The following TTC34 variants were observed in gnomAD, a reference collection of about 807,000 sequenced individuals.
TTC34 encodes tetratricopeptide repeat domain 34.
A neutral mutation model predicts 40.7 loss-of-function variants in TTC34; 44 were observed. The observed-to-expected ratio is 1.08, with a 90% CI of 0.85 to 1.39. The LOEUF is 1.39. TTC34 is among the 40% of genes most tolerant of loss of function. The probability of loss-of-function intolerance (pLI) is 0.00; values close to 1 mark genes in which losing one functional copy is unlikely to be tolerated. For missense variants in TTC34, 884 were observed against 838.0 expected, an observed-to-expected ratio of 1.05 and a Z score of -0.68; for synonymous variants, 422 against 398.6, an observed-to-expected ratio of 1.06 and a Z score of -0.70.
At chr1:2,683,271 C>G (rs1398705559) in intron 6 of TTC34, among the ~76,000 whole-genome samples, 6 of 150,700 alleles carry the variant, frequency 4.0e-5, no homozygotes, top group African/African-American at 7.4e-5. Flanking sequence ...GCACCCACAC[C>G]CACAGGTGAG....
At chr1:2,691,093 A>C (rs1404855251) in intron 6 of TTC34, among the ~76,000 whole-genome samples, 1 of 78,186 alleles carries the variant, frequency 1.3e-5, no homozygotes, top group African/African-American at 4.2e-5. Context: ...TTGGAGCAGC[A>C]CCCACACCTT....
intron 6 of TTC34, among the ~76,000 whole-genome samples, chr1:2,677,769 CACCCCCAGG>C (rs1557601984): frequency 1.1e-4 from 14 of 125,138 alleles, no homozygotes; most frequent in South Asian, 2.7e-4. Context: ...ACAGCACCCA[CACCCCCAGG>C]TGAGCATCTG....
At chr1:2,751,649 C>T (rs1331312965) in intron 6 of TTC34, among the ~76,000 whole-genome samples, 1 of 144,544 alleles carries the variant, frequency 6.9e-6, no homozygotes, top group Non-Finnish European at 1.5e-5. Context: ...CACCCACACC[C>T]CCAGTTGAGC....
rs1641732203 is a variant in TTC34, at chr1:2,764,377, C to G, written c.2226+19232G>C. On this transcript the variant is annotated intron_variant, in intron 6 of 8. Transcript: ENST00000401095. The stretch of plus-strand genomic sequence containing the variant: ...GCAGGTGACAGCCTGGAGCAGTGCC[C>G]ACACCCCCGGGCGAGCATCTGACAG... Among the ~76,000 whole-genome samples the G allele has an allele frequency of 2.7e-5, 4 of 146,446 alleles. 1 individual carries two copies. The highest frequency in any genetic ancestry group is 5.0e-5 in the African/African-American group (2 of 39,844).
rs550461720 is a variant in TTC34 at position 2,787,385 on chromosome 1, C to A, written c.1854+96G>T. 2.8e-4 allele frequency: 336 copies of A among 1,180,614 alleles called. 3 individuals carry two copies. The South Asian group carries it at 5.9e-3, about 21-fold the overall frequency. 73.1% of individuals were successfully genotyped at this position (1,180,614 alleles called of 1,614,324 possible). A position where few individuals can be genotyped will look rare whatever the true frequency, so the allele number is the denominator to read the frequency against. Reference sequence around the variant, plus strand: ...GCAGTCGCCTGGTCCAAAGCCCAGACTGTGGGGTCCAGCGCCAGGGCCACG... The same window carrying A: ...GCAGTCGCCTGGTCCAAAGCCCAGAATGTGGGGTCCAGCGCCAGGGCCACG... On this transcript the variant is annotated intron_variant, in intron 4 of 8. Coordinates refer to ENST00000401095, the Ensembl canonical transcript of TTC34.
intron 2 of TTC34, among the ~76,000 whole-genome samples, chr1:2,797,311 C>G (rs1012572065): frequency 6.6e-6 from 1 of 152,092 alleles, no homozygotes; most frequent in African/African-American, 2.4e-5. Context: ...GGGATGGGGG[C>G]TGGGGCACGA....
At chr1:2,639,911 G>C (rs1039629525) in exon 9 of TTC34, 1 of 152,424 alleles carries the variant, frequency 6.6e-6, no homozygotes, top group Non-Finnish European at 1.5e-5. Context: ...CTGAGGAGGA[G>C]GGGGGCTACC....
chr1:2,752,526 C>T (rs1641357168), intron 6 of TTC34, among the ~76,000 whole-genome samples: 1 of 129,572 alleles, frequency 7.7e-6, no homozygotes, highest in Admixed American at 7.7e-5. Flanking sequence ...GGAGCAGCAC[C>T]CACATCCCCA....
At chr1:2,683,638 G>T (rs528836237) in intron 6 of TTC34, among the ~76,000 whole-genome samples, 1 of 148,836 alleles carries the variant, frequency 6.7e-6, no homozygotes, top group Admixed American at 6.6e-5. Context: ...CACACCCCCA[G>T]GTGAGCATCT....
At chr1:2,787,651 C>T (rs1415192081) in exon 4 of TTC34, 2 of 1,549,828 alleles carry the variant, frequency 1.3e-6, no homozygotes, top group South Asian at 2.4e-5. Context: ...GAGGCCTCGT[C>T]CTCTGAATCC....
In TTC34 at chr1:2,783,777, T is replaced by C; in HGVS notation, c.2060-2A>G. On this transcript the variant is annotated splice_acceptor_variant, in intron 5 of 8. Coordinates refer to ENST00000401095, the Ensembl canonical transcript of TTC34. LOFTEE classifies it high-confidence loss of function. ...GGAGGGACTCACTTGCCTGGCTTCC[T>C]GCAGGAAGACGGCATGGGGTCAGGA... 1 of 1,497,114 alleles carries C rather than the reference T, an allele frequency of 6.7e-7. No homozygotes were observed. The highest frequency in any genetic ancestry group is 8.9e-7 in the Non-Finnish European group (1 of 1,119,382). The allele number at this position is 1,497,114 out of a possible 1,614,324, so 92.7% of individuals were successfully genotyped here.
chr1:2,749,809 AG>A (rs1641258373), intron 6 of TTC34, among the ~76,000 whole-genome samples: 7 of 86,510 alleles, frequency 8.1e-5, no homozygotes, highest in Admixed American at 3.7e-4. Flanking sequence ...CCACACCCCC[AG>A]GTGAGCATCT....
intron 6 of TTC34, chr1:2,775,775 G>C (rs1643092691): frequency 6.8e-6 from 1 of 146,234 alleles, no homozygotes. Flanking sequence ...CTGAAAGCCT[G>C]GATCAACACT....
intron 6 of TTC34, among the ~76,000 whole-genome samples, chr1:2,750,220 G>C (rs1236790193): frequency 0.016 from 1,029 of 64,944 alleles, no homozygotes; most frequent in Middle Eastern, 0.057. Flanking sequence ...GTGCGCATCT[G>C]ATGGTCTGGA....
Position 2,751,562 on chromosome 1 carries a change from G to A in TTC34, c.2226+32047C>T, listed in dbSNP as rs1307196661. Among the ~76,000 whole-genome samples, 15 of 24,576 alleles carry A rather than the reference G, an allele frequency of 6.1e-4. 2 individuals are homozygous for A. In the South Asian group the frequency reaches 0.015, roughly 25 times the overall value. 16.1% of individuals were successfully genotyped at this position (24,576 alleles called of 152,430 possible). ...AGCATCTGACAGCCTGCAACAGCAC[G>A]CACACCCCCAGGTGCGCACGTGACA... On this transcript the variant is annotated intron_variant, in intron 6 of 8. Coordinates refer to ENST00000401095, the Ensembl canonical transcript of TTC34.
chr1:2,638,758 A>C (rs965791652), exon 9 of TTC34: 3 of 152,326 alleles, frequency 2.0e-5, no homozygotes, highest in Admixed American at 6.5e-5. Context: ...AAACTACCTC[A>C]GGAAAAGCCA....
chr1:2,682,030 A>T (rs1190606218), intron 6 of TTC34, among the ~76,000 whole-genome samples: 2 of 96,758 alleles, frequency 2.1e-5, no homozygotes, highest in African/African-American at 4.3e-5. Context: ...CCATACCCAC[A>T]GGTGAGCATC....
At chr1:2,786,013 T>C (rs1643583446) in exon 5 of TTC34, 2 of 1,468,478 alleles carry the variant, frequency 1.4e-6, no homozygotes, top group Non-Finnish European at 1.8e-6. Context: ...CTGGACCAGC[T>C]TCTTCACCAA....
chr1:2,751,547 A>G (rs1275132937), intron 6 of TTC34, among the ~76,000 whole-genome samples: 1 of 105,672 alleles, frequency 9.5e-6, no homozygotes, highest in East Asian at 3.5e-4. Flanking sequence ...AGCATCTGAC[A>G]GCCTGCAACA....
Sources: allele counts gnomAD v4.1 joint callset (sites outside exome capture counted in the v4.1 genomes callset), GRCh38; gene constraint gnomAD v4.1.1; transcripts MANE v1.5; gene names NCBI Gene and HGNC (gene_info 2026-07-23, HGNC 2026-07-21).